Variants in C12orf60 observed in about 807,000 individuals in gnomAD.
C12orf60 encodes the protein uncharacterized protein C12orf60.
For synonymous variants in C12orf60, 102 were observed against 94.6 expected, an observed-to-expected ratio of 1.08 and a Z score of -0.45; for missense variants, 284 against 283.2, an observed-to-expected ratio of 1.00 and a Z score of -0.02.
intron 1 of C12orf60, among the ~76,000 whole-genome samples, chr12:14,820,294 A>G (rs1209999846): frequency 6.6e-6 from 1 of 151,808 alleles, no homozygotes; most frequent in African/African-American, 2.4e-5. Flanking sequence ...GTTTTTCTTT[A>G]AACACTTTGT....
At position 14,806,266 on chromosome 12, in the gene C12orf60, T is replaced by G. The variant is rs756930398; in HGVS notation, c.-25+2515T>G. 11 of 1,614,232 alleles carry G rather than the reference T, an allele frequency of 6.8e-6. 1 individual carries two copies. The South Asian group carries it at 9.9e-5, about 15-fold the overall frequency. On this transcript the variant is annotated intron_variant, in intron 1 of 1. Coordinates refer to ENST00000330828, the MANE Select transcript of C12orf60 (RefSeq NM_175874.4). ...TTGTTAATTATGCCAGTTGTGACAT[T>G]TGAGCCCACAAGTTTAACAGCGACT...
intron 1 of C12orf60, chr12:14,806,068 CTGATT>C (rs1222030375): frequency 6.2e-7 from 1 of 1,614,118 alleles, no homozygotes; most frequent in East Asian, 2.2e-5. Flanking sequence ...TTTTCTGAGG[CTGATT>C]TGAACTCCAC....
intron 1 of C12orf60, among the ~76,000 whole-genome samples, chr12:14,821,916 A>G (rs1188023916): frequency 7.3e-6 from 1 of 137,556 alleles, no homozygotes; most frequent in African/African-American, 2.7e-5. Flanking sequence ...AAAGGGGTCC[A>G]CCCCATAAGG....
In C12orf60 at chr12:14,823,298, A is replaced by T. The variant is rs768880320; in HGVS notation, c.363A>T (p.Pro121=). Residue 121 remains proline (P), a synonymous_variant, in exon 2 of 2, where the codon CCA becomes CCT. Coordinates refer to ENST00000330828, the MANE Select transcript of C12orf60 (RefSeq NM_175874.4). ...AKEVFKSAHT[P]VIISVLNSSN... Reference sequence around the variant, plus strand: ...AAGTATTCAAAAGTGCCCATACGCCAGTCATCATCTCTGTGCTAAACAGCA... The same window carrying T: ...AAGTATTCAAAAGTGCCCATACGCCTGTCATCATCTCTGTGCTAAACAGCA... The T allele has an allele frequency of 1.9e-5, 31 of 1,614,072 alleles. No homozygotes were observed. Among genetic ancestry groups the T allele is most frequent in the East Asian group, 6.7e-5 (3 of 44,888 alleles).
chr12:14,806,812 A>T, intron 1 of C12orf60: 1 of 942,666 alleles, frequency 1.1e-6, no homozygotes, highest in Middle Eastern at 3.1e-4. Context: ...GATGCTGTCT[A>T]AGGATAATTC....
chr12:14,812,383 G>T (rs1950154397), intron 1 of C12orf60, among the ~76,000 whole-genome samples: 1 of 152,176 alleles, frequency 6.6e-6, no homozygotes, highest in Non-Finnish European at 1.5e-5. Context: ...GGCAGAGCTT[G>T]CAGTGAGCCG....
intron 1 of C12orf60, among the ~76,000 whole-genome samples, chr12:14,818,671 T>C (rs1406204665): frequency 6.6e-6 from 1 of 152,146 alleles, no homozygotes. Flanking sequence ...TCCCAGCTAC[T>C]TGGGAGGCTG....
chr12:14,816,864 C>T (rs1329257065), intron 1 of C12orf60, among the ~76,000 whole-genome samples: 2 of 151,768 alleles, frequency 1.3e-5, no homozygotes, highest in African/African-American at 4.8e-5. Context: ...CCTCCCTCAG[C>T]CTCCCGAGTA....
intron 1 of C12orf60, chr12:14,814,147 G>A (rs569934811): frequency 1.3e-5 from 2 of 152,158 alleles, no homozygotes; most frequent in African/African-American, 4.8e-5. Context: ...TCTGAGTTCC[G>A]TGGTCCTAGC....
At chr12:14,817,345 T>C (rs1212354350) in intron 1 of C12orf60, among the ~76,000 whole-genome samples, 2 of 152,214 alleles carry the variant, frequency 1.3e-5, no homozygotes, top group Non-Finnish European at 2.9e-5. Context: ...TCTTTCTTTG[T>C]TTTTTGTTTT....
chr12:14,809,926 A>G (rs1251093242), intron 1 of C12orf60, among the ~76,000 whole-genome samples: 1 of 152,254 alleles, frequency 6.6e-6, no homozygotes, highest in Non-Finnish European at 1.5e-5. Context: ...CTAGAAATCA[A>G]AGTGTAAGAC....
intron 1 of C12orf60, among the ~76,000 whole-genome samples, chr12:14,813,040 A>G (rs992612507): frequency 1.3e-5 from 2 of 152,220 alleles, no homozygotes; most frequent in Admixed American, 1.3e-4. Context: ...ATCTGGAAAG[A>G]ATAGTGGGGT....
intron 1 of C12orf60, among the ~76,000 whole-genome samples, chr12:14,817,923 T>C (rs999059431): frequency 6.6e-6 from 1 of 152,210 alleles, no homozygotes; most frequent in Non-Finnish European, 1.5e-5. Flanking sequence ...TCCACAATGA[T>C]TGAACTAATT....
intron 1 of C12orf60, chr12:14,806,508 CTT>C (rs776568427): frequency 5.6e-6 from 9 of 1,614,014 alleles, no homozygotes; most frequent in Non-Finnish European, 5.9e-6. Context: ...GGTCCCATCT[CTT>C]TTCATCTCAA....
chr12:14,822,980 T>A lies in C12orf60; in HGVS notation c.45T>A (p.Ala15=). The A allele has an allele frequency of 6.2e-7, 1 of 1,606,570 alleles. No homozygotes were observed. Among genetic ancestry groups the A allele is most frequent in the Non-Finnish European group, 8.5e-7 (1 of 1,174,394 alleles). Reference sequence around the variant, plus strand: ...AGGATAAAGAGAGACTGATTCAAGCTGCCAAAATGTTCTTCTTTCATGTAC... The same window carrying A: ...AGGATAAAGAGAGACTGATTCAAGCAGCCAAAATGTTCTTCTTTCATGTAC... ...SEKDKERLIQ[A]AKMFFFHVQD... is the part of the protein sequence containing the mutation. The change falls in exon 2 of 2, where the codon GCT becomes GCA. Residue 15 remains alanine (A), a synonymous_variant. Transcript: ENST00000330828.
intron 1 of C12orf60, among the ~76,000 whole-genome samples, chr12:14,818,675 G>T (rs1950261275): frequency 6.6e-6 from 1 of 152,166 alleles, no homozygotes; most frequent in African/African-American, 2.4e-5. Flanking sequence ...AGCTACTTGG[G>T]AGGCTGAGGC....
chr12:14,805,469 C>T (rs1470080882), intron 1 of C12orf60: 1 of 152,590 alleles, frequency 6.6e-6, no homozygotes. Context: ...CACATTGTTA[C>T]AAACCATTTT....
rs778713411 is a variant in C12orf60, at chr12:14,823,127, C to T, written c.192C>T (p.Leu64=). 2.5e-6 allele frequency: 4 copies of T among 1,613,942 alleles called. No individual in the cohort carries two copies. Among genetic ancestry groups the T allele is most frequent in the South Asian group, 1.1e-5 (1 of 91,058 alleles). The change falls in exon 2 of 2, where the codon CTC becomes CTT. Residue 64 remains leucine (L), a synonymous_variant. Transcript: ENST00000330828. The stretch of plus-strand genomic sequence containing the variant: ...TTAAGGATTTTTTTGAGCAAATGCT[C>T]AAAATTTTTAAGGAGATGCAATCTG... ...SYIKDFFEQM[L]KIFKEMQSVV...
In C12orf60 at chr12:14,822,920, C is replaced by T; in HGVS notation, c.-16C>T. 6.5e-7 allele frequency: 1 copy of T among 1,548,288 alleles called. No individual in the cohort carries two copies. The highest frequency in any genetic ancestry group is 8.7e-7 in the Non-Finnish European group (1 of 1,148,326). On this transcript the variant is annotated 5_prime_UTR_variant, in exon 2 of 2. Transcript: ENST00000330828. ...ACTGCTTTGCTTTGCAGTGTTGGAA[C>T]TTATTTGTTGGAGAAATGTCTTCAG...
Sources: allele counts gnomAD v4.1 joint callset (sites outside exome capture counted in the v4.1 genomes callset), GRCh38; gene constraint gnomAD v4.1.1; transcripts MANE v1.5; gene names NCBI Gene and HGNC (gene_info 2026-07-23, HGNC 2026-07-21).